Variants in SORBS3 observed in about 807,000 individuals in gnomAD.
SORBS3 encodes vinexin.
SORBS3 carries 69 observed loss-of-function variants against 98.0 expected under a neutral mutation model. The observed-to-expected ratio is 0.70, with a 90% CI of 0.58 to 0.86. SORBS3 has a LOEUF of 0.86. Ranked by LOEUF, SORBS3 falls within the 40% of genes least tolerant of loss-of-function variation. The probability of loss-of-function intolerance (pLI) is 0.00; values close to 1 mark genes in which losing one functional copy is unlikely to be tolerated. For synonymous variants in SORBS3, 394 were observed against 355.4 expected (o/e 1.11, Z -1.22); for missense variants, 954 against 908.5 (o/e 1.05, Z -0.64).
In SORBS3 at chr8:22,554,148, G is replaced by T. The variant is rs1840138856; in HGVS notation, c.-55-304G>T. ...AGCCAGCTGCACCCGTGCAGGGAGA[G>T]CCCCACGGGCTCCTGGCCAGCCCCT... is the stretch of plus-strand genomic sequence containing the variant. On this transcript the variant is annotated intron_variant, in intron 1 of 20. Coordinates refer to ENST00000240123, the MANE Select transcript of SORBS3 (RefSeq NM_005775.5). The surrounding 1 kb of genome is among the most constrained non-coding windows in gnomAD (Gnocchi z 6.5). The T allele has an allele frequency of 9.4e-6, 2 of 212,280 alleles. No homozygotes were observed. Among genetic ancestry groups the T allele is most frequent in the South Asian group, 9.2e-5 (1 of 10,910 alleles). The allele number at this position is 212,280 out of a possible 1,614,324, so 13.1% of individuals were successfully genotyped here.
chr8:22,571,230 G>T lies in SORBS3; in HGVS notation c.1743+9G>T. ...CTAGACCCCAGACCCAGGTGAGGTA[G>T]CCTGCCTCCACCAGAGAGTCGACCT... On this transcript the variant is annotated intron_variant, in intron 18 of 20. Transcript: ENST00000240123. 6.6e-7 allele frequency: 1 copy of T among 1,518,288 alleles called. No homozygotes were observed. The highest frequency in any genetic ancestry group is 8.8e-7 in the Non-Finnish European group (1 of 1,133,746). The allele number at this position is 1,518,288 out of a possible 1,614,324, so 94.1% of individuals were successfully genotyped here. A position where few individuals can be genotyped will look rare whatever the true frequency, so the allele number is the denominator to read the frequency against.
upstream of SORBS3, among the ~76,000 whole-genome samples, chr8:22,548,310 G>A (rs1175858873): frequency 6.6e-6 from 1 of 152,190 alleles, no homozygotes; most frequent in Non-Finnish European, 1.5e-5. Context: ...ACATTTGCAG[G>A]AGCAGGAATC....
At chr8:22,547,804 T>C (rs1032544263), upstream of SORBS3, among the ~76,000 whole-genome samples, 4 of 152,236 alleles carry the variant, frequency 2.6e-5, no homozygotes, top group Non-Finnish European at 4.4e-5. Flanking sequence ...CGTCTGTGCA[T>C]TGTGCTTGTT....
Position 22,564,065 on chromosome 8 carries a change from G to C in SORBS3, c.663G>C (p.Gln221His). Residue 221 changes from glutamine (Q) to histidine (H), a missense_variant, in exon 8 of 21, where the codon CAG (glutamine) becomes CAC (histidine). Transcript: ENST00000240123. Reference sequence around the variant, plus strand: ...CTGGAGCATTCTCCACTGTGCTGCAGCCCTCAAATCAGGTAGCCCACCCAG... The same window carrying C: ...CTGGAGCATTCTCCACTGTGCTGCACCCCTCAAATCAGGTAGCCCACCCAG... ...YRPGAFSTVL[Q>H]PSNQVLRRRE... 1.2e-6 allele frequency: 2 copies of C among 1,613,714 alleles called. No individual in the cohort carries two copies. The highest frequency in any genetic ancestry group is 1.7e-6 in the Non-Finnish European group (2 of 1,179,992).
chr8:22,574,269 C>T (rs907250604), intron 20 of SORBS3, among the ~76,000 whole-genome samples: 5 of 152,136 alleles, frequency 3.3e-5, no homozygotes, highest in Admixed American at 2.0e-4. Flanking sequence ...TGCTCTCGGG[C>T]AATGCATTCA....
In SORBS3 at chr8:22,561,388, G is replaced by T; in HGVS notation, c.517+15G>T. 13 of 1,612,492 alleles carry T rather than the reference G, an allele frequency of 8.1e-6. No individual in the cohort carries two copies. The highest frequency in any genetic ancestry group is 8.5e-6 in the Non-Finnish European group (10 of 1,179,404). On this transcript the variant is annotated intron_variant, in intron 6 of 20. Coordinates refer to ENST00000240123, the MANE Select transcript of SORBS3 (RefSeq NM_005775.5). ...GCCACCCAGAGGTGAGGGGATGCGG[G>T]CCCACCTGCCTGCCATAGCCCTGCG... is the stretch of plus-strand genomic sequence containing the variant.
At chr8:22,562,001 C>T (rs1200172596) in intron 7 of SORBS3, 70 bp downstream of exon 7, 7 of 1,445,130 alleles carry the variant, frequency 4.8e-6, no homozygotes, top group African/African-American at 4.2e-5. Context: ...GGACGGGCGC[C>T]CCCTCGTGAC....
intron 3 of SORBS3, among the ~76,000 whole-genome samples, chr8:22,556,241 T>C (rs1395398732): frequency 6.6e-6 from 1 of 152,176 alleles, no homozygotes; most frequent in African/African-American, 2.4e-5. Context: ...TCACACACGC[T>C]AGATGTCACT....
intron 3 of SORBS3, among the ~76,000 whole-genome samples, chr8:22,556,089 C>A (rs1840177669): frequency 6.6e-6 from 1 of 152,198 alleles, no homozygotes; most frequent in South Asian, 2.1e-4. Flanking sequence ...GGCCTCAAAG[C>A]CCTTATTCTG....
rs112605756 is a variant in SORBS3, at chr8:22,570,903, C to G, written c.1432-7C>G. On this transcript the variant is annotated splice_region_variant and splice_polypyrimidine_tract_variant and intron_variant, in intron 17 of 20. Coordinates refer to ENST00000240123, the MANE Select transcript of SORBS3 (RefSeq NM_005775.5). ...GGCCCCACAGACACTGACTTTTCCC[C>G]CCTCAGGGAGAGCACATCTGCCTGA... is the stretch of plus-strand genomic sequence containing the variant. 6.3e-7 allele frequency: 1 copy of G among 1,583,400 alleles called. No homozygotes were observed. Among genetic ancestry groups the G allele is most frequent in the Non-Finnish European group, 8.6e-7 (1 of 1,161,068 alleles).
Position 22,570,923 on chromosome 8 carries a change from G to A in SORBS3, c.1445G>A (p.Cys482Tyr), listed in dbSNP as rs1431099296. 6.2e-7 allele frequency: 1 copy of A among 1,601,924 alleles called. No individual in the cohort carries two copies. The highest frequency in any genetic ancestry group is 1.1e-5 in the South Asian group (1 of 89,644). ...TTCCCCCCTCAGGGAGAGCACATCT[G>A]CCTGATCCGCAAGGTGAACGAGAAC... ...ELSFRKGEHI[C>Y]LIRKVNENWY... is the part of the protein sequence containing the mutation. Residue 482 changes from cysteine to tyrosine, a missense_variant, in exon 18 of 21, where the codon TGC becomes TAC. Cys to Tyr is a radical substitution (Grantham distance 194). Transcript: ENST00000240123.
intron 18 of SORBS3, 97 bp downstream of exon 18, chr8:22,571,318 G>T: frequency 1.4e-6 from 1 of 721,478 alleles, no homozygotes; most frequent in Non-Finnish European, 2.3e-6. Flanking sequence ...TTCCCAGACA[G>T]CCCTGGGACA....
chr8:22,561,419 G>C, intron 6 of SORBS3, 46 bp downstream of exon 6: 1 of 1,609,182 alleles, frequency 6.2e-7, no homozygotes, highest in Middle Eastern at 1.7e-4. Context: ...CTGCGCCTGC[G>C]TCCGCCCCTC....
At chr8:22,568,940 TC>T (rs1840494591) in intron 16 of SORBS3, among the ~76,000 whole-genome samples, 1 of 152,226 alleles carries the variant, frequency 6.6e-6, no homozygotes, top group Admixed American at 6.5e-5. Flanking sequence ...AAATTCTTCT[TC>T]CAGGGAGCGT....
At chr8:22,556,930 A>T (rs958863236) in intron 4 of SORBS3, 22 bp downstream of exon 4, 1 of 1,610,196 alleles carries the variant, frequency 6.2e-7, no homozygotes. Context: ...GCTGGGGGCC[A>T]CGGAGAGATG....
chr8:22,547,517 T>C (rs988150795), upstream of SORBS3, among the ~76,000 whole-genome samples: 5 of 152,244 alleles, frequency 3.3e-5, no homozygotes, highest in Non-Finnish European at 7.3e-5. Flanking sequence ...CCGTACTTTA[T>C]GGTATCCACT....
Position 22,554,375 on chromosome 8 carries a change from C to G in SORBS3, c.-55-77C>G. Reference sequence around the variant, plus strand: ...CCTCCCACAGCCGGCCCCTCCTCCCCTATCCCAGGGTCGAGCCAAGAGGGC... The same window carrying G: ...CCTCCCACAGCCGGCCCCTCCTCCCGTATCCCAGGGTCGAGCCAAGAGGGC... On this transcript the variant is annotated intron_variant, in intron 1 of 20. Transcript: ENST00000240123. The surrounding 1 kb of genome is among the most constrained non-coding windows in gnomAD (Gnocchi z 6.5). The G allele has an allele frequency of 3.5e-6, 5 of 1,419,498 alleles. No individual in the cohort carries two copies. The highest frequency in any genetic ancestry group is 3.7e-6 in the Non-Finnish European group (4 of 1,079,084). The allele number at this position is 1,419,498 out of a possible 1,614,324, so 87.9% of individuals were successfully genotyped here.
chr8:22,548,774 T>G (rs1206175531), upstream of SORBS3, among the ~76,000 whole-genome samples: 1 of 152,168 alleles, frequency 6.6e-6, no homozygotes, highest in African/African-American at 2.4e-5. Context: ...CTGGGACCCC[T>G]GGCTTCCCTT....
At chr8:22,563,646 C>T (rs1431584916) in intron 7 of SORBS3, among the ~76,000 whole-genome samples, 2 of 152,196 alleles carry the variant, frequency 1.3e-5, no homozygotes, top group African/African-American at 4.8e-5. Context: ...AGGAGAGGGT[C>T]GGGCCACACC....
Sources: allele counts gnomAD v4.1 joint callset (sites outside exome capture counted in the v4.1 genomes callset), GRCh38; gene constraint gnomAD v4.1.1; non-coding constraint Gnocchi (gnomAD v3.1); transcripts MANE v1.5; gene names NCBI Gene and HGNC (gene_info 2026-07-23, HGNC 2026-07-21).